CSMD1: variants seen among roughly 807,000 people sequenced by gnomAD.
CSMD1 encodes CUB and sushi domain-containing protein 1.
Under a neutral mutation model 417.5 loss-of-function variants are expected in CSMD1, and 213 were observed. That is an observed-to-expected ratio of 0.51 (90% CI 0.46 to 0.57). The LOEUF (loss-of-function observed/expected upper bound fraction) is 0.57. Ranked by LOEUF, CSMD1 falls within the 20% of genes least tolerant of loss-of-function variation. CSMD1 has a pLI of 0.00. For synonymous variants in CSMD1, 2,862 were observed against 1,736.8 expected (o/e 1.65, Z -16.11); for missense variants, 6,923 against 4,529.7 (o/e 1.53, Z -15.17).
intron 1 of CSMD1, among the ~76,000 whole-genome samples, chr8:4,722,891 T>C (rs1169776368): frequency 6.6e-6 from 1 of 152,188 alleles, no homozygotes; most frequent in Non-Finnish European, 1.5e-5. Context: ...CTCTGTGAAA[T>C]ACAAAGATCT....
At chr8:3,058,151 G>A (rs1437807709) in intron 49 of CSMD1, among the ~76,000 whole-genome samples, 2 of 152,092 alleles carry the variant, frequency 1.3e-5, no homozygotes, top group Non-Finnish European at 1.5e-5. Flanking sequence ...GATTGGTAGT[G>A]CTATTGTGTG....
chr8:4,461,538 T>C (rs546039896), intron 2 of CSMD1, among the ~76,000 whole-genome samples: 6 of 148,098 alleles, frequency 4.1e-5, no homozygotes, highest in Non-Finnish European at 5.9e-5. Context: ...CAAAAATCCA[T>C]ATTTTTTTTT....
At chr8:4,260,136 T>G (rs1803769184) in intron 3 of CSMD1, among the ~76,000 whole-genome samples, 1 of 152,194 alleles carries the variant, frequency 6.6e-6, no homozygotes, top group South Asian at 2.1e-4. Context: ...TCAATGCACC[T>G]GATCTACAGT....
chr8:4,721,297 C>T (rs761878713), intron 1 of CSMD1, among the ~76,000 whole-genome samples: 1 of 152,136 alleles, frequency 6.6e-6, no homozygotes. Context: ...GAAATAAATA[C>T]ATGTGATTTT....
chr8:4,420,171 G>C lies in CSMD1; in HGVS notation c.303-106C>G, dbSNP rs1797167933. The C allele has an allele frequency of 2.1e-5, 14 of 671,620 alleles. 1 individual carries two copies. Among genetic ancestry groups the C allele is most frequent in the Middle Eastern group, 3.4e-4 (1 of 2,982 alleles). The allele number at this position is 671,620 out of a possible 1,614,324, so 41.6% of individuals were successfully genotyped here. A position where few individuals can be genotyped will look rare whatever the true frequency, so the allele number is the denominator to read the frequency against. On this transcript the variant is annotated intron_variant, in intron 2 of 69. Transcript: ENST00000635120. Reference sequence around the variant, plus strand: ...AACTTGAACAGTGGTATATTCACTTGAAATATGGCATTAAACACTTAGATA... The same window carrying C: ...AACTTGAACAGTGGTATATTCACTTCAAATATGGCATTAAACACTTAGATA...
In CSMD1 at chr8:3,411,768, ACG is replaced by A. The variant is rs1383996180; in HGVS notation, c.1562-2165_1562-2164del. Among the ~76,000 whole-genome samples the A allele has an allele frequency of 3.0e-4, 39 of 131,054 alleles. 1 individual carries two copies. The highest frequency in any genetic ancestry group is 3.9e-4 in the Non-Finnish European group (24 of 61,770). 86.0% of individuals were successfully genotyped at this position (131,054 alleles called of 152,430 possible). A position where few individuals can be genotyped will look rare whatever the true frequency, so the allele number is the denominator to read the frequency against. ...TATACACGTGTATATACGTGTATATACGTGTGTATATACCTGTATATATACAC... is the reference window on the plus strand; with the variant it reads ...TATACACGTGTATATACGTGTATATATGTGTATATACCTGTATATATACAC... On this transcript the variant is annotated intron_variant, in intron 12 of 69. Coordinates refer to ENST00000635120, the MANE Select transcript of CSMD1 (RefSeq NM_033225.6).
At chr8:3,982,363 C>G (rs1023246908) in intron 5 of CSMD1, among the ~76,000 whole-genome samples, 6 of 151,568 alleles carry the variant, frequency 4.0e-5, no homozygotes, top group African/African-American at 1.5e-4. Context: ...GAGGATAATC[C>G]TTGTACAAAC....
At chr8:4,456,198 G>C (rs4875346) in intron 2 of CSMD1, among the ~76,000 whole-genome samples, 1 of 151,694 alleles carries the variant, frequency 6.6e-6, no homozygotes. Flanking sequence ...CTTTATTACA[G>C]GTTTTTAAAG....
At chr8:4,111,590 T>C (rs116342391) in intron 3 of CSMD1, among the ~76,000 whole-genome samples, 171 of 152,166 alleles carry the variant, frequency 1.1e-3, no homozygotes, top group African/African-American at 4.1e-3. Context: ...TATGCAAACA[T>C]AAAAAGAAAT....
intron 10 of CSMD1, among the ~76,000 whole-genome samples, chr8:3,531,126 G>T (rs1797962855): frequency 1.3e-5 from 2 of 151,972 alleles, no homozygotes; most frequent in African/African-American, 4.8e-5. Context: ...CTCCCAAAGT[G>T]CTGGGATTAC....
At chr8:4,066,095 A>T (rs147982677) in intron 3 of CSMD1, among the ~76,000 whole-genome samples, 169 of 152,340 alleles carry the variant, frequency 1.1e-3, no homozygotes, top group African/African-American at 3.8e-3. Flanking sequence ...CAATGAAAAC[A>T]GTTCTGAGCT....
At chr8:3,659,343 C>A (rs1218392058) in intron 7 of CSMD1, among the ~76,000 whole-genome samples, 1 of 152,168 alleles carries the variant, frequency 6.6e-6, no homozygotes, top group Non-Finnish European at 1.5e-5. Flanking sequence ...TTTCATTTTG[C>A]ACTTGCCAAT....
chr8:4,079,896 G>A (rs936891495), intron 3 of CSMD1, among the ~76,000 whole-genome samples: 36 of 152,226 alleles, frequency 2.4e-4, no homozygotes, highest in African/African-American at 8.7e-4. Context: ...GGGCAGAAGG[G>A]CCATATTCTT....
At chr8:4,450,636 A>T (rs535098038) in intron 2 of CSMD1, among the ~76,000 whole-genome samples, 1 of 152,216 alleles carries the variant, frequency 6.6e-6, no homozygotes, top group African/African-American at 2.4e-5. Context: ...TCTCCAAAGA[A>T]AAAAAAATTT....
chr8:4,508,679 C>A (rs1396417847), intron 2 of CSMD1, among the ~76,000 whole-genome samples: 1 of 152,056 alleles, frequency 6.6e-6, no homozygotes, highest in African/African-American at 2.4e-5. Context: ...GATAACAAGG[C>A]AGCTGGTAGT....
chr8:3,179,000 T>A (rs192860721), intron 37 of CSMD1, among the ~76,000 whole-genome samples: 5 of 149,858 alleles, frequency 3.3e-5, no homozygotes, highest in South Asian at 2.1e-4. Flanking sequence ...CAGGCTGGAG[T>A]GCAGTGGCGC....
At chr8:4,487,499 C>G (rs1801477344) in intron 2 of CSMD1, among the ~76,000 whole-genome samples, 1 of 152,140 alleles carries the variant, frequency 6.6e-6, no homozygotes, top group Non-Finnish European at 1.5e-5. Context: ...ATGAAGTCAT[C>G]ATATTTTATG....
At chr8:3,501,109 T>C (rs953412553) in intron 10 of CSMD1, among the ~76,000 whole-genome samples, 7 of 152,364 alleles carry the variant, frequency 4.6e-5, no homozygotes, top group African/African-American at 1.7e-4. Context: ...AGTTTCAATT[T>C]ACTGAAAAAA....
At chr8:4,902,233 G>A (rs899328638) in intron 1 of CSMD1, among the ~76,000 whole-genome samples, 6 of 151,162 alleles carry the variant, frequency 4.0e-5, no homozygotes, top group African/African-American at 1.5e-4. Flanking sequence ...AACTTAGCAA[G>A]ACTCCATCCA....
Sources: gnomAD v4.1 joint callset for allele counts (sites outside exome capture counted in the v4.1 genomes callset) on GRCh38, gnomAD v4.1.1 for gene constraint, MANE v1.5 for transcripts, NCBI Gene and HGNC (gene_info 2026-07-23, HGNC 2026-07-21) for gene names.